FRYL: variants seen among roughly 807,000 people sequenced by gnomAD.
FRYL encodes FRY like transcription coactivator.
A neutral mutation model predicts 351.2 loss-of-function variants in FRYL; 150 were observed. That is an observed-to-expected ratio of 0.43 (90% confidence interval 0.37 to 0.49). The LOEUF is 0.49. Among genes scored for constraint, FRYL ranks in the 20% least tolerant of loss-of-function variants. The probability of loss-of-function intolerance (pLI) is 0.00; values close to 1 mark genes in which losing one functional copy is unlikely to be tolerated. For synonymous variants in FRYL, 1,153 were observed against 1,257.1 expected (o/e 0.92, Z 1.75); for missense variants, 3,036 against 3,619.3 (o/e 0.84, Z 4.13).
At chr4:48,525,577 C>G (rs574449101) in intron 53 of FRYL, among the ~76,000 whole-genome samples, 3 of 152,174 alleles carry the variant, frequency 2.0e-5, no homozygotes, top group Non-Finnish European at 4.4e-5. Flanking sequence ...AGGAAACACC[C>G]CTACAAGAAG....
chr4:48,686,071 G>T (rs1287935938), intron 2 of FRYL, among the ~76,000 whole-genome samples: 1 of 152,032 alleles, frequency 6.6e-6, no homozygotes, highest in Non-Finnish European at 1.5e-5. Context: ...GCTAAAATAA[G>T]ACAAATTTTA....
chr4:48,566,983 A>G (rs1736938581), intron 28 of FRYL, among the ~76,000 whole-genome samples: 1 of 152,194 alleles, frequency 6.6e-6, no homozygotes, highest in Non-Finnish European at 1.5e-5. Context: ...AGGCTATCCT[A>G]AAGAGCTTAT....
At chr4:48,614,443 T>C (rs1198642586) in intron 7 of FRYL, among the ~76,000 whole-genome samples, 4 of 152,164 alleles carry the variant, frequency 2.6e-5, no homozygotes, top group African/African-American at 9.7e-5. Flanking sequence ...AGTAACTGGC[T>C]GGGTGCAATG....
chr4:48,673,102 T>A (rs2149511945), intron 3 of FRYL, among the ~76,000 whole-genome samples: 1 of 152,312 alleles, frequency 6.6e-6, no homozygotes, highest in Middle Eastern at 3.4e-3. Flanking sequence ...CATTTATATC[T>A]CATGAAGCCA....
At chr4:48,730,650 G>T (rs769929484) in intron 1 of FRYL, among the ~76,000 whole-genome samples, 4 of 152,168 alleles carry the variant, frequency 2.6e-5, no homozygotes, top group Non-Finnish European at 2.9e-5. Flanking sequence ...AAGTGAAGGA[G>T]AAATAAAATC....
chr4:48,573,306 T>C, intron 25 of FRYL, 63 bp from the exon 26 acceptor site: 1 of 1,094,522 alleles, frequency 9.1e-7, no homozygotes, highest in Non-Finnish European at 1.4e-6. Flanking sequence ...CACAGGTAAA[T>C]ATGTAAAAAC....
chr4:48,666,753 T>C (rs892759656), intron 3 of FRYL, among the ~76,000 whole-genome samples: 2 of 152,180 alleles, frequency 1.3e-5, no homozygotes, highest in African/African-American at 4.8e-5. Flanking sequence ...TTCATAGTTT[T>C]TTTTTAAAGT....
At chr4:48,691,870 T>C (rs1765708693) in intron 2 of FRYL, among the ~76,000 whole-genome samples, 1 of 152,190 alleles carries the variant, frequency 6.6e-6, no homozygotes, top group Non-Finnish European at 1.5e-5. Flanking sequence ...TACAAAACAT[T>C]ATTTTATAAA....
chr4:48,693,576 G>A (rs1765861231), intron 2 of FRYL, among the ~76,000 whole-genome samples: 1 of 150,950 alleles, frequency 6.6e-6, no homozygotes, highest in Non-Finnish European at 1.5e-5. Context: ...TAACAATCAT[G>A]GTTTAGCTTC....
At chr4:48,576,934 T>G (rs187225794) in intron 23 of FRYL, among the ~76,000 whole-genome samples, 22 of 152,332 alleles carry the variant, frequency 1.4e-4, no homozygotes, top group African/African-American at 5.1e-4. Flanking sequence ...ATTAAATGTT[T>G]ATTTTATTTT....
chr4:48,628,917 A>C (rs533373824), intron 4 of FRYL, among the ~76,000 whole-genome samples: 2 of 151,834 alleles, frequency 1.3e-5, no homozygotes, highest in East Asian at 3.9e-4. Flanking sequence ...GGTAGACTAA[A>C]AACTGTTGAT....
intron 1 of FRYL, among the ~76,000 whole-genome samples, chr4:48,754,312 T>G (rs1773547382): frequency 6.6e-6 from 1 of 152,210 alleles, no homozygotes; most frequent in South Asian, 2.1e-4. Context: ...TTTATAATAG[T>G]TAGTACTTCA....
At chr4:48,503,127 T>C (rs1447773623) in intron 60 of FRYL, among the ~76,000 whole-genome samples, 1 of 151,946 alleles carries the variant, frequency 6.6e-6, no homozygotes, top group East Asian at 1.9e-4. Context: ...AACTGAACTA[T>C]TGTGATCTTG....
chr4:48,577,013 T>G (rs114249685), intron 23 of FRYL, among the ~76,000 whole-genome samples: 442 of 152,284 alleles, frequency 2.9e-3, no homozygotes, highest in Non-Finnish European at 5.2e-3. Context: ...GTGACATTAT[T>G]TTGATTAACT....
intron 3 of FRYL, among the ~76,000 whole-genome samples, chr4:48,650,893 G>C (rs1401515053): frequency 6.6e-6 from 1 of 152,160 alleles, no homozygotes; most frequent in East Asian, 1.9e-4. Flanking sequence ...TGAGTAGGCA[G>C]AATGGCAAGC....
chr4:48,744,544 AT>A (rs898492001), intron 1 of FRYL, among the ~76,000 whole-genome samples: 3 of 152,072 alleles, frequency 2.0e-5, no homozygotes, highest in African/African-American at 7.2e-5. Context: ...CATATGCCTG[AT>A]TTTTTTTCTT....
intron 20 of FRYL, among the ~76,000 whole-genome samples, chr4:48,582,190 G>A (rs1741094406): frequency 6.6e-6 from 1 of 152,132 alleles, no homozygotes; most frequent in East Asian, 1.9e-4. Flanking sequence ...CCAAATGGAA[G>A]ACTACCAAAA....
At chr4:48,565,837 G>A in intron 28 of FRYL, 146 bp from the exon 29 acceptor site, 1 of 722,526 alleles carries the variant, frequency 1.4e-6, no homozygotes, top group Admixed American at 3.0e-5. Context: ...CGGTAGCAGG[G>A]ATCATTTATA....
chr4:48,499,252 T>G lies in FRYL; in HGVS notation c.*170A>C, dbSNP rs1181938724. 8.3e-6 allele frequency: 5 copies of G among 600,564 alleles called. No individual in the cohort carries two copies. Among genetic ancestry groups the G allele is most frequent in the South Asian group, 2.1e-5 (1 of 46,660 alleles). 37.2% of individuals were successfully genotyped at this position (600,564 alleles called of 1,614,324 possible). A position where few individuals can be genotyped will look rare whatever the true frequency, so the allele number is the denominator to read the frequency against. On this transcript the variant is annotated 3_prime_UTR_variant, in exon 64 of 64. Coordinates refer to ENST00000358350, the MANE Select transcript of FRYL (RefSeq NM_015030.2). ...TATTGGCAGCTGTTAAAATATCAGA[T>G]GTTTTTTTCTTTCAGATCTTTGTTT... is the stretch of plus-strand genomic sequence containing the variant.
Sources: allele counts gnomAD v4.1 joint callset (sites outside exome capture counted in the v4.1 genomes callset), GRCh38; gene constraint gnomAD v4.1.1; transcripts MANE v1.5; gene names NCBI Gene and HGNC (gene_info 2026-07-23, HGNC 2026-07-21).